Variants in SLC24A4 observed in about 807,000 individuals in gnomAD.
SLC24A4 encodes sodium/potassium/calcium exchanger 4.
A neutral mutation model predicts 79.0 loss-of-function variants in SLC24A4; 53 were observed. The observed-to-expected ratio is 0.67, with a 90% confidence interval of 0.54 to 0.84. SLC24A4 has a LOEUF of 0.84. Among genes scored for constraint, SLC24A4 ranks in the 40% least tolerant of loss-of-function variants. The pLI, the probability that SLC24A4 is intolerant of heterozygous loss-of-function variation, is 0.00. For missense variants in SLC24A4, 731 were observed against 822.0 expected (o/e 0.89, Z 1.35); for synonymous variants, 323 against 323.8 (o/e 1.00, Z 0.03).
chr14:92,448,239 G>A (rs550448369), intron 9 of SLC24A4, among the ~76,000 whole-genome samples: 14 of 152,066 alleles, frequency 9.2e-5, no homozygotes, highest in Non-Finnish European at 1.5e-4. Flanking sequence ...CCGTGCTGAT[G>A]GTTGTAGAAC....
chr14:92,465,020 CA>C (rs1226789301), intron 12 of SLC24A4, among the ~76,000 whole-genome samples: 1 of 152,026 alleles, frequency 6.6e-6, no homozygotes, highest in Non-Finnish European at 1.5e-5. Flanking sequence ...TTAGAGTGTC[CA>C]TGGCAGCCCT....
At chr14:92,472,209 T>G (rs12434016) in intron 12 of SLC24A4, among the ~76,000 whole-genome samples, 28,175 of 152,110 alleles carry the variant, frequency 0.19, 2,909 homozygotes, top group East Asian at 0.4. Context: ...GACAACCAGA[T>G]TCAGCCCCAG....
At chr14:92,354,409 C>A (rs1887062691) in intron 2 of SLC24A4, among the ~76,000 whole-genome samples, 1 of 152,072 alleles carries the variant, frequency 6.6e-6, no homozygotes, top group Non-Finnish European at 1.5e-5. Flanking sequence ...CCTCGACTTC[C>A]CAAAGTGCTG....
intron 12 of SLC24A4, among the ~76,000 whole-genome samples, chr14:92,482,231 T>C (rs1431461769): frequency 1.3e-5 from 2 of 152,246 alleles, no homozygotes; most frequent in East Asian, 1.9e-4. Context: ...CTGCAGCACA[T>C]GGCAAATGCT....
At chr14:92,396,566 C>T (rs1889790714) in intron 2 of SLC24A4, among the ~76,000 whole-genome samples, 1 of 152,136 alleles carries the variant, frequency 6.6e-6, no homozygotes, top group Admixed American at 6.6e-5. Context: ...GGGGATGGAA[C>T]CTACGAATGT....
At chr14:92,461,045 C>T (rs560445586) in intron 12 of SLC24A4, among the ~76,000 whole-genome samples, 1 of 152,320 alleles carries the variant, frequency 6.6e-6, no homozygotes, top group Non-Finnish European at 1.5e-5. Flanking sequence ...CCATGGTCTG[C>T]AGTGCTGGCA....
At chr14:92,461,273 A>G (rs905812084) in intron 12 of SLC24A4, among the ~76,000 whole-genome samples, 2 of 152,222 alleles carry the variant, frequency 1.3e-5, no homozygotes, top group East Asian at 1.9e-4. Flanking sequence ...CACTTTTATT[A>G]TAGCAGCCAA....
intron 7 of SLC24A4, 112 bp downstream of exon 7, chr14:92,443,586 A>T: frequency 1.9e-6 from 2 of 1,067,198 alleles, no homozygotes; most frequent in Non-Finnish European, 2.8e-6. Context: ...CACAGCACAC[A>T]ATAGTGGGGT....
At chr14:92,373,624 A>AAATGATCTGTCTCCATACC in intron 2 of SLC24A4, among the ~76,000 whole-genome samples, 1 of 152,196 alleles carries the variant, frequency 6.6e-6, no homozygotes, top group Non-Finnish European at 1.5e-5. Flanking sequence ...AAAGTTTTGG[A>AAATGATCTGTCTCCATACC]AATGATCTGT....
intron 2 of SLC24A4, among the ~76,000 whole-genome samples, chr14:92,364,745 G>C (rs976950847): frequency 2.0e-5 from 3 of 152,184 alleles, no homozygotes; most frequent in African/African-American, 4.8e-5. Flanking sequence ...GAGGATCTCA[G>C]AGCCTCTCTA....
chr14:92,474,007 A>C (rs559444707), intron 12 of SLC24A4, among the ~76,000 whole-genome samples: 18 of 152,302 alleles, frequency 1.2e-4, no homozygotes, highest in Admixed American at 6.5e-4. Context: ...GCAGCATCAA[A>C]ACCTGGGACA....
chr14:92,405,545 G>A (rs1473624852), intron 2 of SLC24A4, among the ~76,000 whole-genome samples: 1 of 152,122 alleles, frequency 6.6e-6, no homozygotes, highest in Non-Finnish European at 1.5e-5. Flanking sequence ...GAAGAAAAGA[G>A]GTTTAGTTGA....
intron 2 of SLC24A4, among the ~76,000 whole-genome samples, chr14:92,372,977 CTCCCTCT>C (rs1888280652): frequency 1.4e-5 from 2 of 141,872 alleles, no homozygotes; most frequent in Admixed American, 7.2e-5. Context: ...CTCTCCCCCC[CTCCCTCT>C]CCCTCTCTCT....
intron 12 of SLC24A4, among the ~76,000 whole-genome samples, chr14:92,475,237 C>T (rs1894702422): frequency 1.3e-5 from 2 of 152,134 alleles, no homozygotes; most frequent in Non-Finnish European, 2.9e-5. Flanking sequence ...TTTAATGTTG[C>T]TTACCTTGTC....
At chr14:92,388,404 C>T (rs1420506636) in intron 2 of SLC24A4, among the ~76,000 whole-genome samples, 1 of 152,170 alleles carries the variant, frequency 6.6e-6, no homozygotes, top group Non-Finnish European at 1.5e-5. Flanking sequence ...CTGTGGCTGC[C>T]GGTGCTCAGT....
At chr14:92,364,559 C>A (rs1020554305) in intron 2 of SLC24A4, among the ~76,000 whole-genome samples, 13 of 152,162 alleles carry the variant, frequency 8.5e-5, no homozygotes, top group Non-Finnish European at 1.5e-5. Flanking sequence ...CTGTGGGGAC[C>A]AGGGGTGACT....
chr14:92,464,015 G>A lies in SLC24A4; in HGVS notation c.1255+7407G>A, dbSNP rs978232766. 2.6e-5 allele frequency among the ~76,000 whole-genome samples: 4 copies of A among 152,160 alleles called. No individual in the cohort carries two copies. The East Asian group carries it at 7.7e-4, about 29-fold the overall frequency. On this transcript the variant is annotated intron_variant, in intron 12 of 16. Coordinates refer to ENST00000532405, the MANE Select transcript of SLC24A4 (RefSeq NM_153646.4). ...TTTATGGCTGAATATTCCATTGGAT[G>A]GATCATGAATGCCACATTTTATCCA... is the stretch of plus-strand genomic sequence containing the variant.
At chr14:92,383,892 G>C (rs565794317) in intron 2 of SLC24A4, among the ~76,000 whole-genome samples, 1 of 152,308 alleles carries the variant, frequency 6.6e-6, no homozygotes, top group Admixed American at 6.5e-5. Flanking sequence ...ATCTTCAGCG[G>C]GTCCCAAGCC....
Position 92,495,879 on chromosome 14 carries a change from G to T in SLC24A4, c.*2251G>T, listed in dbSNP as rs747774252. 6.6e-5 allele frequency: 10 copies of T among 152,142 alleles called. No individual in the cohort carries two copies. The highest frequency in any genetic ancestry group is 1.3e-4 in the Non-Finnish European group (9 of 68,028). 9.4% of individuals were successfully genotyped at this position (152,142 alleles called of 1,614,324 possible). ...CTCATCAATATATCATTGACTCCTGGGTTCCTCAGGTCATTTCCTAATATC... is the reference window on the plus strand; with the variant it reads ...CTCATCAATATATCATTGACTCCTGTGTTCCTCAGGTCATTTCCTAATATC... On this transcript the variant is annotated 3_prime_UTR_variant, in exon 17 of 17. Transcript: ENST00000532405.
Sources: gnomAD v4.1 joint callset for allele counts (sites outside exome capture counted in the v4.1 genomes callset) on GRCh38, gnomAD v4.1.1 for gene constraint, MANE v1.5 for transcripts, NCBI Gene and HGNC (gene_info 2026-07-23, HGNC 2026-07-21) for gene names.